The following ZBTB7A variants were observed in gnomAD, a reference collection of about 807,000 sequenced individuals.
The protein encoded by ZBTB7A is zinc finger and BTB domain containing 7A, also known as zinc finger and BTB domain-containing protein 7A.
ZBTB7A carries 7 observed loss-of-function variants against 26.7 expected under a neutral mutation model. The ratio of observed to expected loss-of-function variants is 0.26; its 90% confidence interval spans 0.15 to 0.49. The LOEUF is 0.49. Ranked by LOEUF, ZBTB7A falls within the 20% of genes least tolerant of loss-of-function variation. The pLI is 0.98. For missense variants in ZBTB7A, 617 were observed against 919.5 expected, an observed-to-expected ratio of 0.67 and a Z score of 4.25; for synonymous variants, 452 against 441.0, an observed-to-expected ratio of 1.02 and a Z score of -0.31.
intron 1 of ZBTB7A, among the ~76,000 whole-genome samples, chr19:4,057,584 T>C (rs1163953014): frequency 1.3e-5 from 2 of 151,600 alleles, no homozygotes; most frequent in African/African-American, 2.4e-5. Flanking sequence ...GGTCAAGAGA[T>C]TGAGACCATC....
Position 4,045,974 on chromosome 19 carries a change from C to A in ZBTB7A, c.*1778G>T, listed in dbSNP as rs1443743487. 11 of 398,614 alleles carry A rather than the reference C, an allele frequency of 2.8e-5. No homozygotes were observed. Among genetic ancestry groups the A allele is most frequent in the Non-Finnish European group, 4.0e-5 (9 of 226,066 alleles). The allele number at this position is 398,614 out of a possible 1,614,324, so 24.7% of individuals were successfully genotyped here. On this transcript the variant is annotated 3_prime_UTR_variant, in exon 3 of 3. Transcript: ENST00000322357. The surrounding 1 kb of genome is among the most constrained non-coding windows in gnomAD (Gnocchi z 4.1). ...CTGTCACCCACCTCAGCAGGGTAGG[C>A]GCATCCAAGGTCCAGCTCCTTGGTG...
rs968825545 is a variant in ZBTB7A, at chr19:4,047,617, A to G, written c.*135T>C. 18 of 505,844 alleles carry G rather than the reference A, an allele frequency of 3.6e-5. No homozygotes were observed. Among genetic ancestry groups the G allele is most frequent in the Admixed American group, 4.8e-5 (1 of 20,642 alleles). 31.3% of individuals were successfully genotyped at this position (505,844 alleles called of 1,614,324 possible). A position where few individuals can be genotyped will look rare whatever the true frequency, so the allele number is the denominator to read the frequency against. ...TGACGCGTCATATATATATATCTGT[A>G]TATATATATATAGATATAGATATCT... On this transcript the variant is annotated 3_prime_UTR_variant, in exon 3 of 3. Coordinates refer to ENST00000322357, the MANE Select transcript of ZBTB7A (RefSeq NM_015898.4).
At position 4,047,913 on chromosome 19, in the gene ZBTB7A, T is replaced by A; in HGVS notation, c.1594A>T (p.Asn532Tyr). The A allele has an allele frequency of 1.3e-6, 2 of 1,533,210 alleles. No homozygotes were observed. Among genetic ancestry groups the A allele is most frequent in the Non-Finnish European group, 8.8e-7 (1 of 1,140,734 alleles). 95.0% of individuals were successfully genotyped at this position (1,533,210 alleles called of 1,614,324 possible). A position where few individuals can be genotyped will look rare whatever the true frequency, so the allele number is the denominator to read the frequency against. ...TCCTTAAAGTGCTTCTCCTGGCCGT[T>A]GCGCCGGGCGTCGGGGGAGCTGGGC... ...AQPSSPDARR[N>Y]GQEKHFKDED... The change falls in exon 3 of 3, where the codon AAC becomes TAC. Residue 532 changes from asparagine (N) to tyrosine (Y), a missense_variant. This residue lies in a region of ZBTB7A where 136 missense variants were observed against 126.6 expected (regional missense o/e 1.07). Coordinates refer to ENST00000322357, the MANE Select transcript of ZBTB7A (RefSeq NM_015898.4).
chr19:4,052,838 C>T lies in ZBTB7A; in HGVS notation c.1262+1133G>A, dbSNP rs1484804578. Among the ~76,000 whole-genome samples the T allele has an allele frequency of 6.6e-6, 1 of 152,224 alleles. No homozygotes were observed. Among genetic ancestry groups the T allele is most frequent in the Non-Finnish European group, 1.5e-5 (1 of 68,038 alleles). ...CTCCCAGGGGGGCACAGTGATCTCT[C>T]AAGCTGAGCTGGCCTCAGGGCCTCT... On this transcript the variant is annotated intron_variant, in intron 2 of 2. Transcript: ENST00000322357. The surrounding 1 kb of genome is among the most constrained non-coding windows in gnomAD (Gnocchi z 4.9).
chr19:4,063,923 T>C (rs1226552919), intron 1 of ZBTB7A, among the ~76,000 whole-genome samples: 4 of 152,164 alleles, frequency 2.6e-5, no homozygotes, highest in Non-Finnish European at 5.9e-5. Flanking sequence ...CGGCCTTGGT[T>C]TCCTCCTCAT....
rs2040372399 is a variant in ZBTB7A, at chr19:4,043,625, G to A, written c.*4127C>T. 6.6e-6 allele frequency among the ~76,000 whole-genome samples: 1 copy of A among 151,492 alleles called. No individual in the cohort carries two copies. The highest frequency in any genetic ancestry group is 2.1e-4 in the South Asian group (1 of 4,792). ...GATTCTGGGCCTGGGGTGGGGTGGG[G>A]GGCGGGACCTGGGCATCGGATCCTG... is the stretch of plus-strand genomic sequence containing the variant. On this transcript the variant is annotated 3_prime_UTR_variant, in exon 3 of 3. Transcript: ENST00000322357.
At position 4,049,168 on chromosome 19, in the gene ZBTB7A, GTATATATATA is replaced by G. The variant is rs1181215162; in HGVS notation, c.1263-934_1263-925del. Among the ~76,000 whole-genome samples the G allele has an allele frequency of 6.7e-4, 10 of 14,956 alleles. No homozygotes were observed. The South Asian group carries it at 0.015, about 23-fold the overall frequency. 9.8% of individuals were successfully genotyped at this position (14,956 alleles called of 152,430 possible). A position where few individuals can be genotyped will look rare whatever the true frequency, so the allele number is the denominator to read the frequency against. Reference sequence around the variant, plus strand: ...ACTATATGTGTGTGTGTGTGTGTGTGTATATATATATATATATATATATATATATATATAT... The same window carrying G: ...ACTATATGTGTGTGTGTGTGTGTGTGTATATATATATATATATATATATAT... On this transcript the variant is annotated intron_variant, in intron 2 of 2. Coordinates refer to ENST00000322357, the MANE Select transcript of ZBTB7A (RefSeq NM_015898.4).
intron 2 of ZBTB7A, among the ~76,000 whole-genome samples, chr19:4,050,893 G>T (rs960762833): frequency 4.6e-5 from 7 of 151,962 alleles, no homozygotes; most frequent in African/African-American, 1.7e-4. Flanking sequence ...GAGGTCAGGA[G>T]TTCGAGACCA....
Position 4,048,596 on chromosome 19 carries a change from C to T in ZBTB7A, c.1263-352G>A, listed in dbSNP as rs553494747. Among the ~76,000 whole-genome samples the T allele has an allele frequency of 1.3e-5, 2 of 151,876 alleles. No homozygotes were observed. The highest frequency in any genetic ancestry group is 4.8e-5 in the African/African-American group (2 of 41,414). On this transcript the variant is annotated intron_variant, in intron 2 of 2. Coordinates refer to ENST00000322357, the MANE Select transcript of ZBTB7A (RefSeq NM_015898.4). The surrounding 1 kb of genome is among the most constrained non-coding windows in gnomAD (Gnocchi z 6.7). ...CTGAAATCCCAGCACTTTGGGAGGCCGAGGCGGGCGGATCACTTGAGGCCA... is the reference window on the plus strand; with the variant it reads ...CTGAAATCCCAGCACTTTGGGAGGCTGAGGCGGGCGGATCACTTGAGGCCA...
At chr19:4,055,481 C>T in intron 1 of ZBTB7A, 1 of 985,304 alleles carries the variant, frequency 1.0e-6, no homozygotes, top group Non-Finnish European at 1.2e-6. Context: ...TTTTGTGTGT[C>T]TTTAATACAG....
intron 2 of ZBTB7A, among the ~76,000 whole-genome samples, chr19:4,049,204 ATATATGT>A (rs1224301606): frequency 0.023 from 1,092 of 48,078 alleles, 140 homozygotes; most frequent in Admixed American, 0.042. Flanking sequence ...ATATATATAT[ATATATGT>A]AAGTTTGAGA....
chr19:4,043,918 ATCTT>A lies in ZBTB7A; in HGVS notation c.*3830_*3833del, dbSNP rs2040379899. On this transcript the variant is annotated 3_prime_UTR_variant, in exon 3 of 3. Coordinates refer to ENST00000322357, the MANE Select transcript of ZBTB7A (RefSeq NM_015898.4). ...TTAAAATAAAACTGCAAATATAAAT[ATCTT>A]TCTTTCTCAAAAAATAGGATTTTTG... 6.8e-6 allele frequency among the ~76,000 whole-genome samples: 1 copy of A among 147,762 alleles called. No homozygotes were observed. Among genetic ancestry groups the A allele is most frequent in the African/African-American group, 2.5e-5 (1 of 40,070 alleles).
In ZBTB7A at chr19:4,046,856, G is replaced by T. The variant is rs1383781004; in HGVS notation, c.*896C>A. 2 of 150,850 alleles carry T rather than the reference G, an allele frequency of 1.3e-5. No homozygotes were observed. Among genetic ancestry groups the T allele is most frequent in the Admixed American group, 1.3e-4 (2 of 15,124 alleles). 9.3% of individuals were successfully genotyped at this position (150,850 alleles called of 1,614,324 possible). On this transcript the variant is annotated 3_prime_UTR_variant, in exon 3 of 3. Transcript: ENST00000322357. ...TAAAAAGTGCTTTAAAAATTTGGGAGAGGGGGCTCGGGGGAGAGGACGAAG... is the reference window on the plus strand; with the variant it reads ...TAAAAAGTGCTTTAAAAATTTGGGATAGGGGGCTCGGGGGAGAGGACGAAG...
intron 1 of ZBTB7A, 37 bp from the exon 2 acceptor site, chr19:4,055,284 G>A: frequency 7.0e-7 from 1 of 1,436,476 alleles, no homozygotes; most frequent in Admixed American, 2.9e-5. Flanking sequence ...CTCGTGAGTG[G>A]GGGTGCGGGG....
intron 1 of ZBTB7A, among the ~76,000 whole-genome samples, chr19:4,059,187 G>C (rs2040614634): frequency 6.6e-6 from 1 of 152,212 alleles, no homozygotes; most frequent in African/African-American, 2.4e-5. Flanking sequence ...TCTGACCCAG[G>C]CCACCAACGC....
At chr19:4,051,177 G>A (rs1431681070) in intron 2 of ZBTB7A, among the ~76,000 whole-genome samples, 1 of 147,546 alleles carries the variant, frequency 6.8e-6, no homozygotes, top group East Asian at 2.0e-4. Context: ...GTAATAAAGT[G>A]TACTCCTTCC....
chr19:4,049,162 G>GTATATATATATATA (rs1253863952), intron 2 of ZBTB7A, among the ~76,000 whole-genome samples: 3 of 18,432 alleles, frequency 1.6e-4, no homozygotes, highest in African/African-American at 3.0e-4. Context: ...GTGTGTGTGT[G>GTATATATATATATA]TGTGTGTATA....
chr19:4,049,162 GTGTGTGTATATATATATATA>G (rs1302483735), intron 2 of ZBTB7A, among the ~76,000 whole-genome samples: 18 of 18,438 alleles, frequency 9.8e-4, no homozygotes, highest in African/African-American at 1.6e-3. Flanking sequence ...GTGTGTGTGT[GTGTGTGTATATATATATATA>G]TATATATATA....
intron 1 of ZBTB7A, among the ~76,000 whole-genome samples, chr19:4,056,116 C>T (rs1003790185): frequency 1.3e-5 from 2 of 152,248 alleles, no homozygotes; most frequent in Middle Eastern, 3.4e-3. Context: ...AATCAGACGT[C>T]ATGTCCCCAG....
Sources: allele counts gnomAD v4.1 joint callset (sites outside exome capture counted in the v4.1 genomes callset), GRCh38; gene constraint gnomAD v4.1.1; regional missense constraint gnomAD v4.1.1; non-coding constraint Gnocchi (gnomAD v3.1); transcripts MANE v1.5; gene names NCBI Gene and HGNC (gene_info 2026-07-23, HGNC 2026-07-21).